The following AGFG1 variants were observed in gnomAD, a reference collection of about 807,000 sequenced individuals.
AGFG1 encodes the protein ArfGAP with FG repeats 1.
A neutral mutation model predicts 60.6 loss-of-function variants in AGFG1; 10 were observed. That is an observed-to-expected ratio of 0.16 (90% CI 0.10 to 0.28). AGFG1 has a LOEUF of 0.28. Among genes scored for constraint, AGFG1 ranks in the 10% least tolerant of loss-of-function variants. The pLI, the probability that AGFG1 is intolerant of heterozygous loss-of-function variation, is 1.00. For synonymous variants in AGFG1, 247 were observed against 242.9 expected (o/e 1.02, Z -0.16); for missense variants, 537 against 676.5 (o/e 0.79, Z 2.29).
intron 10 of AGFG1, among the ~76,000 whole-genome samples, chr2:227,548,092 C>A (rs1692708204): frequency 1.3e-5 from 2 of 152,142 alleles, no homozygotes; most frequent in South Asian, 4.1e-4. Context: ...TCACAAAAGG[C>A]CACATATTTG....
chr2:227,477,757 C>T (rs1349930104), intron 1 of AGFG1, among the ~76,000 whole-genome samples: 2 of 152,038 alleles, frequency 1.3e-5, no homozygotes, highest in Non-Finnish European at 2.9e-5. Flanking sequence ...AGGCATGCAC[C>T]ACCATGCCTG....
chr2:227,523,959 A>G, intron 4 of AGFG1, 34 bp downstream of exon 4: 1 of 1,577,176 alleles, frequency 6.3e-7, no homozygotes, highest in South Asian at 1.1e-5. Context: ...AGGGAATTCG[A>G]CTTAAAGAGG....
chr2:227,523,969 G>T, intron 4 of AGFG1, 44 bp downstream of exon 4: 4 of 1,537,638 alleles, frequency 2.6e-6, no homozygotes, highest in Admixed American at 1.8e-5. Context: ...ACTTAAAGAG[G>T]GCTTGAGTAT....
At position 227,554,824 on chromosome 2, in the gene AGFG1, G is replaced by A. The variant is rs1257168585; in HGVS notation, c.*329G>A. 2 of 180,494 alleles carry A rather than the reference G, an allele frequency of 1.1e-5. No individual in the cohort carries two copies. Among genetic ancestry groups the A allele is most frequent in the Admixed American group, 6.0e-5 (1 of 16,802 alleles). 11.2% of individuals were successfully genotyped at this position (180,494 alleles called of 1,614,324 possible). A position where few individuals can be genotyped will look rare whatever the true frequency, so the allele number is the denominator to read the frequency against. ...TAGCTATTTGTGCATATCAGTATTT[G>A]TAACTTTAACACATTGTTATGTGAG... On this transcript the variant is annotated 3_prime_UTR_variant, in exon 13 of 13. Coordinates refer to ENST00000310078, the MANE Select transcript of AGFG1 (RefSeq NM_004504.5).
At chr2:227,499,717 A>G (rs1274391545) in intron 2 of AGFG1, among the ~76,000 whole-genome samples, 1 of 152,078 alleles carries the variant, frequency 6.6e-6, no homozygotes, top group East Asian at 1.9e-4. Flanking sequence ...TTGGACTGGA[A>G]TGGACCTGTA....
chr2:227,559,356 T>C lies in AGFG1; in HGVS notation c.*4861T>C, dbSNP rs1693067844. 6.6e-6 allele frequency: 1 copy of C among 152,234 alleles called. No individual in the cohort carries two copies. Among genetic ancestry groups the C allele is most frequent in the South Asian group, 2.1e-4 (1 of 4,834 alleles). 9.4% of individuals were successfully genotyped at this position (152,234 alleles called of 1,614,324 possible). On this transcript the variant is annotated 3_prime_UTR_variant, in exon 13 of 13. Coordinates refer to ENST00000310078, the MANE Select transcript of AGFG1 (RefSeq NM_004504.5). ...TGAAGGTAGGAAATAGCTCTTCTTATGCCACATCTTAGTCTGATTTTGAAG... is the reference window on the plus strand; with the variant it reads ...TGAAGGTAGGAAATAGCTCTTCTTACGCCACATCTTAGTCTGATTTTGAAG...
intron 1 of AGFG1, among the ~76,000 whole-genome samples, chr2:227,473,243 G>T (rs73081449): frequency 0.018 from 2,810 of 152,234 alleles, 86 homozygotes; most frequent in African/African-American, 0.064. Flanking sequence ...GGAAAAGTTC[G>T]AAAGGATTAA....
rs1692961745 is a variant in AGFG1, at chr2:227,556,042, A to AC, written c.*1548dup. The AC allele has an allele frequency of 1.3e-5, 2 of 152,238 alleles. No individual in the cohort carries two copies. The highest frequency in any genetic ancestry group is 2.9e-5 in the Non-Finnish European group (2 of 68,038). 9.4% of individuals were successfully genotyped at this position (152,238 alleles called of 1,614,324 possible). On this transcript the variant is annotated 3_prime_UTR_variant, in exon 13 of 13. Coordinates refer to ENST00000310078, the MANE Select transcript of AGFG1 (RefSeq NM_004504.5). ...TAAGGACCGCTACCCAGCCTAGAGG[A>AC]CATCACTATACTACATCATCTGATG... is the stretch of plus-strand genomic sequence containing the variant.
chr2:227,531,408 T>G (rs959796789), intron 6 of AGFG1, among the ~76,000 whole-genome samples, 198 bp downstream of exon 6: 2 of 152,186 alleles, frequency 1.3e-5, no homozygotes, highest in African/African-American at 2.4e-5. Flanking sequence ...ATTTGGTATA[T>G]TGTCTGTTTG....
At chr2:227,481,371 C>T (rs1039235074) in intron 1 of AGFG1, among the ~76,000 whole-genome samples, 3 of 152,042 alleles carry the variant, frequency 2.0e-5, no homozygotes, top group Non-Finnish European at 4.4e-5. Context: ...CTTCAGACTT[C>T]CCACCTAGGG....
rs1047463590 is a variant in AGFG1 at position 227,557,019 on chromosome 2, G to A, written c.*2524G>A. ...TTATTATTAAAGAAAATCAGCTTTCGTTAGACTTTTACATTTAGATTTATT... is the reference window on the plus strand; with the variant it reads ...TTATTATTAAAGAAAATCAGCTTTCATTAGACTTTTACATTTAGATTTATT... On this transcript the variant is annotated 3_prime_UTR_variant, in exon 13 of 13. Transcript: ENST00000310078. The A allele has an allele frequency of 1.3e-5, 2 of 151,506 alleles. No homozygotes were observed. Among genetic ancestry groups the A allele is most frequent in the Admixed American group, 6.6e-5 (1 of 15,174 alleles). 9.4% of individuals were successfully genotyped at this position (151,506 alleles called of 1,614,324 possible). A position where few individuals can be genotyped will look rare whatever the true frequency, so the allele number is the denominator to read the frequency against.
At position 227,559,370 on chromosome 2, in the gene AGFG1, C is replaced by T. The variant is rs1693068280; in HGVS notation, c.*4875C>T. On this transcript the variant is annotated 3_prime_UTR_variant, in exon 13 of 13. Coordinates refer to ENST00000310078, the MANE Select transcript of AGFG1 (RefSeq NM_004504.5). ...AGCTCTTCTTATGCCACATCTTAGT[C>T]TGATTTTGAAGTCAGTTGTGTAAGT... 1 of 152,150 alleles carries T rather than the reference C, an allele frequency of 6.6e-6. No homozygotes were observed. The highest frequency in any genetic ancestry group is 2.1e-4 in the South Asian group (1 of 4,826). 9.4% of individuals were successfully genotyped at this position (152,150 alleles called of 1,614,324 possible).
At chr2:227,538,506 T>C (rs1262386506) in intron 10 of AGFG1, among the ~76,000 whole-genome samples, 1 of 152,242 alleles carries the variant, frequency 6.6e-6, no homozygotes, top group Admixed American at 6.5e-5. Context: ...AACTGATGAA[T>C]GGAAACTCAA....
At chr2:227,491,773 A>G (rs1447855270) in intron 2 of AGFG1, 133 bp downstream of exon 2, 1 of 521,760 alleles carries the variant, frequency 1.9e-6, no homozygotes, top group Non-Finnish European at 3.3e-6. Flanking sequence ...ATATTTAGAT[A>G]TTTTAAAATG....
At chr2:227,531,812 C>T (rs1399970246) in intron 6 of AGFG1, among the ~76,000 whole-genome samples, 1 of 152,070 alleles carries the variant, frequency 6.6e-6, no homozygotes, top group African/African-American at 2.4e-5. Context: ...AAGCTGGTTG[C>T]TTCTGTAGAG....
At chr2:227,492,313 G>A (rs180896483) in intron 2 of AGFG1, among the ~76,000 whole-genome samples, 2 of 151,934 alleles carry the variant, frequency 1.3e-5, no homozygotes, top group East Asian at 1.9e-4. Flanking sequence ...AAGAGAGTGG[G>A]CATTTTTTTA....
intron 2 of AGFG1, among the ~76,000 whole-genome samples, chr2:227,505,696 G>A (rs533648864): frequency 6.6e-6 from 1 of 151,864 alleles, no homozygotes; most frequent in Non-Finnish European, 1.5e-5. Flanking sequence ...TTATTGCAAG[G>A]ATGTTTTCTT....
chr2:227,490,319 C>G (rs921940539), intron 1 of AGFG1, among the ~76,000 whole-genome samples: 1 of 152,144 alleles, frequency 6.6e-6, no homozygotes, highest in African/African-American at 2.4e-5. Context: ...TCGCTCACGC[C>G]TGTAATCCCA....
intron 1 of AGFG1, among the ~76,000 whole-genome samples, chr2:227,483,740 T>C (rs920159396): frequency 6.6e-6 from 1 of 152,210 alleles, no homozygotes; most frequent in Non-Finnish European, 1.5e-5. Flanking sequence ...GTTTTTGATA[T>C]ATATGAATGG....
Sources: gnomAD v4.1 joint callset for allele counts (sites outside exome capture counted in the v4.1 genomes callset) on GRCh38, gnomAD v4.1.1 for gene constraint, MANE v1.5 for transcripts, NCBI Gene and HGNC (gene_info 2026-07-23, HGNC 2026-07-21) for gene names.